The following SLC24A3 variants were observed in gnomAD, a reference collection of about 807,000 sequenced individuals.
The protein encoded by SLC24A3 is solute carrier family 24 member 3.
A neutral mutation model predicts 75.8 loss-of-function variants in SLC24A3; 28 were observed. That is an observed-to-expected ratio of 0.37 (90% CI 0.27 to 0.51). The LOEUF is 0.51. Ranked by LOEUF, SLC24A3 falls within the 20% of genes least tolerant of loss-of-function variation. SLC24A3 has a pLI of 0.94. For synonymous variants in SLC24A3, 372 were observed against 334.1 expected (o/e 1.11, Z -1.24); for missense variants, 663 against 847.8 (o/e 0.78, Z 2.71).
At chr20:19,340,656 C>T (rs1985252390) in intron 2 of SLC24A3, among the ~76,000 whole-genome samples, 1 of 152,126 alleles carries the variant, frequency 6.6e-6, no homozygotes, top group African/African-American at 2.4e-5. Context: ...TCAGGCATTC[C>T]CAGGTCCTCC....
chr20:19,607,744 A>G (rs1278295905), intron 6 of SLC24A3, among the ~76,000 whole-genome samples: 2 of 152,164 alleles, frequency 1.3e-5, no homozygotes, highest in African/African-American at 4.8e-5. Context: ...CTGGACTGCC[A>G]AAGTCCCCTC....
chr20:19,557,333 C>T (rs918312418), intron 3 of SLC24A3, among the ~76,000 whole-genome samples: 1 of 152,184 alleles, frequency 6.6e-6, no homozygotes, highest in African/African-American at 2.4e-5. Context: ...TTATGCACAA[C>T]TCTTCCCAAC....
At chr20:19,499,639 C>T (rs531045704) in intron 2 of SLC24A3, among the ~76,000 whole-genome samples, 1 of 152,152 alleles carries the variant, frequency 6.6e-6, no homozygotes, top group African/African-American at 2.4e-5. Flanking sequence ...ACCCTCATGA[C>T]CTAATTACCT....
At chr20:19,546,127 T>C (rs925692826) in intron 3 of SLC24A3, among the ~76,000 whole-genome samples, 72 of 120,638 alleles carry the variant, frequency 6.0e-4, no homozygotes, top group African/African-American at 1.9e-3. Flanking sequence ...CCACTGCACT[T>C]CAGCCTGGGC....
chr20:19,648,588 C>A (rs2032165593), intron 6 of SLC24A3, among the ~76,000 whole-genome samples: 1 of 132,692 alleles, frequency 7.5e-6, no homozygotes, highest in Admixed American at 7.2e-5. Context: ...CGCAATCTAT[C>A]TTCATATATA....
At chr20:19,246,262 A>G (rs140654809) in intron 1 of SLC24A3, among the ~76,000 whole-genome samples, 2,996 of 152,282 alleles carry the variant, frequency 0.02, 37 homozygotes, top group Middle Eastern at 0.031. Flanking sequence ...GTGATAAGTT[A>G]GAAGAAAGAA....
At chr20:19,679,501 C>CGGAGAGGGAGATCGTGG (rs2032581817) in intron 9 of SLC24A3, among the ~76,000 whole-genome samples, 1 of 107,118 alleles carries the variant, frequency 9.3e-6, no homozygotes, top group Non-Finnish European at 2.0e-5. Context: ...TGGAAAGAGA[C>CGGAGAGGGAGATCGTGG]GGAGAGGGAG....
At chr20:19,538,889 G>T (rs1341234104) in intron 3 of SLC24A3, among the ~76,000 whole-genome samples, 1 of 152,226 alleles carries the variant, frequency 6.6e-6, no homozygotes, top group African/African-American at 2.4e-5. Context: ...GATAAACTGT[G>T]CTGTGTTCAA....
At chr20:19,716,152 T>A (rs1434046208) in intron 15 of SLC24A3, among the ~76,000 whole-genome samples, 1 of 152,162 alleles carries the variant, frequency 6.6e-6, no homozygotes, top group African/African-American at 2.4e-5. Context: ...TTCTAACAAG[T>A]TCCCGAGAGC....
chr20:19,295,581 T>C (rs1277177478), intron 2 of SLC24A3, among the ~76,000 whole-genome samples: 2 of 152,194 alleles, frequency 1.3e-5, no homozygotes, highest in African/African-American at 2.4e-5. Flanking sequence ...TGAATTTTAT[T>C]GAAGGTCTTT....
At chr20:19,284,729 A>G (rs901292987) in intron 2 of SLC24A3, 3 of 152,210 alleles carry the variant, frequency 2.0e-5, no homozygotes, top group Admixed American at 2.0e-4. Context: ...CTGGCTTTAG[A>G]TGCTATTAGA....
At chr20:19,278,270 C>T (rs544042727) in intron 1 of SLC24A3, among the ~76,000 whole-genome samples, 1 of 152,294 alleles carries the variant, frequency 6.6e-6, no homozygotes, top group African/African-American at 2.4e-5. Flanking sequence ...TACGCTGGCC[C>T]CCAAAGCTAT....
At chr20:19,313,459 G>A (rs1984510311) in intron 2 of SLC24A3, among the ~76,000 whole-genome samples, 1 of 152,176 alleles carries the variant, frequency 6.6e-6, no homozygotes, top group African/African-American at 2.4e-5. Context: ...AAGCAGTGGG[G>A]TGTCTGGTTC....
intron 4 of SLC24A3, among the ~76,000 whole-genome samples, chr20:19,580,942 G>A (rs902427401): frequency 6.6e-6 from 1 of 152,128 alleles, no homozygotes; most frequent in African/African-American, 2.4e-5. Flanking sequence ...AGAGTGGGAG[G>A]GGGTAGAATT....
chr20:19,540,071 C>T (rs907946104), intron 3 of SLC24A3, among the ~76,000 whole-genome samples: 7 of 152,042 alleles, frequency 4.6e-5, no homozygotes, highest in East Asian at 1.9e-4. Flanking sequence ...GTTCACTTGG[C>T]GGGAGAAGAG....
chr20:19,394,464 C>T (rs181500555), intron 2 of SLC24A3, among the ~76,000 whole-genome samples: 2 of 152,058 alleles, frequency 1.3e-5, no homozygotes, highest in African/African-American at 4.8e-5. Flanking sequence ...TATATCTGAT[C>T]ATAAGTTAAT....
intron 3 of SLC24A3, among the ~76,000 whole-genome samples, chr20:19,562,357 G>T (rs2030887587): frequency 6.6e-6 from 1 of 152,106 alleles, no homozygotes; most frequent in South Asian, 2.1e-4. Context: ...GGCACACTGG[G>T]TGAACAGATT....
chr20:19,630,722 A>T (rs1182351789), intron 6 of SLC24A3, among the ~76,000 whole-genome samples: 1 of 152,186 alleles, frequency 6.6e-6, no homozygotes, highest in African/African-American at 2.4e-5. Context: ...CATAAGCTAA[A>T]CTCCATTTAA....
chr20:19,517,834 G>A (rs2122560632), intron 3 of SLC24A3, among the ~76,000 whole-genome samples: 1 of 152,322 alleles, frequency 6.6e-6, no homozygotes, highest in South Asian at 2.1e-4. Context: ...CAACATACAT[G>A]CCTGTGTCCA....
Sources: allele counts gnomAD v4.1 joint callset (sites outside exome capture counted in the v4.1 genomes callset), GRCh38; gene constraint gnomAD v4.1.1; transcripts MANE v1.5; gene names NCBI Gene and HGNC (gene_info 2026-07-23, HGNC 2026-07-21).